MAGI3: variants seen among roughly 807,000 people sequenced by gnomAD.
The protein encoded by MAGI3 is membrane associated guanylate kinase, WW and PDZ domain containing 3, also known as membrane-associated guanylate kinase, WW and PDZ domain-containing protein 3.
In MAGI3, 43 loss-of-function variants were observed where a neutral mutation model predicts 121.8. That is an observed-to-expected ratio of 0.35 (90% CI 0.28 to 0.46). The LOEUF (loss-of-function observed/expected upper bound fraction) is 0.46, where lower values mean the gene tolerates loss of function less well. MAGI3 is among the 20% of genes least tolerant of loss of function. The pLI, the probability that MAGI3 is intolerant of heterozygous loss-of-function variation, is 1.00. For missense variants in MAGI3, 1,547 were observed against 1,797.3 expected (o/e 0.86, Z 2.52); for synonymous variants, 553 against 639.3 (o/e 0.86, Z 2.04).
chr1:113,427,875 CAA>C (rs916636073), intron 1 of MAGI3, among the ~76,000 whole-genome samples: 46 of 152,044 alleles, frequency 3.0e-4, no homozygotes, highest in African/African-American at 9.9e-4. Flanking sequence ...TAAAATGAAT[CAA>C]AATTGGCTCA....
chr1:113,584,676 C>G (rs567274022), intron 3 of MAGI3, among the ~76,000 whole-genome samples: 3 of 152,138 alleles, frequency 2.0e-5, no homozygotes, highest in African/African-American at 7.2e-5. Flanking sequence ...TAGTTTTATC[C>G]TCATTTACCC....
chr1:113,594,163 G>C (rs956551738), intron 5 of MAGI3, among the ~76,000 whole-genome samples: 11 of 152,226 alleles, frequency 7.2e-5, no homozygotes, highest in Non-Finnish European at 1.3e-4. Flanking sequence ...ATAATGCACA[G>C]TATGTGGCTA....
At chr1:113,413,409 G>T (rs973608463) in intron 1 of MAGI3, among the ~76,000 whole-genome samples, 2 of 152,108 alleles carry the variant, frequency 1.3e-5, no homozygotes, top group Non-Finnish European at 2.9e-5. Context: ...TTCCAATTCT[G>T]TGAAGAAAGT....
intron 12 of MAGI3, among the ~76,000 whole-genome samples, chr1:113,648,368 A>G (rs1652968597): frequency 6.6e-6 from 1 of 151,928 alleles, no homozygotes; most frequent in Non-Finnish European, 1.5e-5. Flanking sequence ...ATATTTTCCC[A>G]AAGGAAAAAT....
Position 113,513,124 on chromosome 1 carries a change from G to A in MAGI3, c.317-36391G>A, listed in dbSNP as rs906695808. Among the ~76,000 whole-genome samples, 195 of 152,092 alleles carry A rather than the reference G, an allele frequency of 1.3e-3. 1 individual carries two copies. The highest frequency in any genetic ancestry group is 4.2e-3 in the African/African-American group (176 of 41,494). On this transcript the variant is annotated intron_variant, in intron 1 of 20. Transcript: ENST00000307546. ...ACAAACCACTGCTCAATGAAATAAA[G>A]GAGGATACAAAGAAATGGAAGAACA...
intron 1 of MAGI3, among the ~76,000 whole-genome samples, chr1:113,521,886 A>G (rs1216670188): frequency 6.6e-6 from 1 of 151,342 alleles, no homozygotes; most frequent in Non-Finnish European, 1.5e-5. Context: ...GCTTTCTTTC[A>G]TTTCTCCTTT....
rs569343234 is a variant in MAGI3 at position 113,679,685 on chromosome 1, T to G, written c.3190-1513T>G. Among the ~76,000 whole-genome samples the G allele has an allele frequency of 3.3e-5, 5 of 152,112 alleles. No homozygotes were observed. In the South Asian group the frequency reaches 6.2e-4, roughly 19 times the overall value. On this transcript the variant is annotated intron_variant, in intron 19 of 20. Coordinates refer to ENST00000307546, the MANE Select transcript of MAGI3 (RefSeq NM_001142782.2). ...GTATATCTTATTCTGATCCCTAGTTTTATGTTTATTTTCCTGAAAAATGAT... is the reference window on the plus strand; with the variant it reads ...GTATATCTTATTCTGATCCCTAGTTGTATGTTTATTTTCCTGAAAAATGAT...
intron 1 of MAGI3, among the ~76,000 whole-genome samples, chr1:113,539,393 GAAA>G (rs530823031): frequency 1.8e-5 from 2 of 113,180 alleles, no homozygotes. Context: ...CTCCGTCTCA[GAAA>G]AAAAAAAAAA....
intron 12 of MAGI3, among the ~76,000 whole-genome samples, chr1:113,647,403 GAAGGAT>G (rs1652911970): frequency 6.6e-6 from 1 of 152,184 alleles, no homozygotes; most frequent in Non-Finnish European, 1.5e-5. Flanking sequence ...GCAGGAGTAT[GAAGGAT>G]GAATCAGAGG....
intron 2 of MAGI3, among the ~76,000 whole-genome samples, chr1:113,554,480 G>A (rs1448911208): frequency 6.6e-6 from 1 of 151,660 alleles, no homozygotes; most frequent in Non-Finnish European, 1.5e-5. Flanking sequence ...AGATGACAAT[G>A]GGGAGGGGAG....
intron 1 of MAGI3, among the ~76,000 whole-genome samples, chr1:113,471,672 A>G (rs984774263): frequency 2.6e-5 from 4 of 152,226 alleles, no homozygotes; most frequent in African/African-American, 9.6e-5. Context: ...TTTACTGAAT[A>G]TAATTGTATG....
chr1:113,630,025 C>G lies in MAGI3; in HGVS notation c.1360+7031C>G, dbSNP rs1651523490. 4.6e-5 allele frequency among the ~76,000 whole-genome samples: 7 copies of G among 152,192 alleles called. No homozygotes were observed. The South Asian group carries it at 1.2e-3, about 27-fold the overall frequency. ...GGCAAAGTGAGCTAGGTTCGTGTCC[C>G]TCTCTTCAGGATGGTGAGTTTCCCC... On this transcript the variant is annotated intron_variant, in intron 9 of 20. Coordinates refer to ENST00000307546, the MANE Select transcript of MAGI3 (RefSeq NM_001142782.2).
At chr1:113,552,231 T>G (rs1659816768) in intron 2 of MAGI3, among the ~76,000 whole-genome samples, 1 of 152,218 alleles carries the variant, frequency 6.6e-6, no homozygotes, top group Admixed American at 6.5e-5. Flanking sequence ...ATTGTAGTTG[T>G]CTAAAGCTTT....
At chr1:113,518,299 T>A (rs1250775546) in intron 1 of MAGI3, among the ~76,000 whole-genome samples, 1 of 152,128 alleles carries the variant, frequency 6.6e-6, no homozygotes. Flanking sequence ...TTGATATTTC[T>A]CTGAGTATGG....
At chr1:113,550,959 GAAA>G (rs757531195) in intron 2 of MAGI3, among the ~76,000 whole-genome samples, 1 of 82,808 alleles carries the variant, frequency 1.2e-5, no homozygotes, top group Non-Finnish European at 2.9e-5. Context: ...TCCCCAACAA[GAAA>G]AAAAAAAAAG....
intron 1 of MAGI3, among the ~76,000 whole-genome samples, chr1:113,454,915 G>A (rs1654671440): frequency 6.6e-6 from 1 of 152,140 alleles, no homozygotes; most frequent in South Asian, 2.1e-4. Flanking sequence ...TGAAAATATA[G>A]CCAGAAACAT....
At chr1:113,495,801 A>G (rs778797386) in intron 1 of MAGI3, among the ~76,000 whole-genome samples, 6 of 152,232 alleles carry the variant, frequency 3.9e-5, no homozygotes, top group Admixed American at 6.5e-5. Context: ...ATAAACAAAT[A>G]TTTATAGTAA....
Position 113,683,445 on chromosome 1 carries a change from C to T in MAGI3, c.3877C>T (p.Gln1293Ter), listed in dbSNP as rs746289199. ...RGRSASPKKQQKIEGSKAPSN... is the reference protein window; with the variant it reads ...RGRSASPKKQ Reference sequence around the variant, plus strand: ...TCGGTCGGCCAGCCCAAAAAAGCAGCAAAAAATTGAAGGAAGCAAAGCTCC... The same window carrying T: ...TCGGTCGGCCAGCCCAAAAAAGCAGTAAAAAATTGAAGGAAGCAAAGCTCC... Residue 1293 changes from glutamine to a stop codon, truncating the protein, a stop_gained, in exon 21 of 21, where the codon CAA becomes TAA. Transcript: ENST00000307546. LOFTEE classifies it low-confidence loss of function (END_TRUNC). 2 of 1,613,772 alleles carry T rather than the reference C, an allele frequency of 1.2e-6. No individual in the cohort carries two copies. Among genetic ancestry groups the T allele is most frequent in the South Asian group, 2.2e-5 (2 of 91,072 alleles).
intron 9 of MAGI3, 95 bp from the exon 10 acceptor site, chr1:113,641,816 T>C (rs1216017763): frequency 3.4e-5 from 41 of 1,204,372 alleles, no homozygotes; most frequent in Non-Finnish European, 4.3e-5. Flanking sequence ...AAAATTCAAA[T>C]TTAGTTGCTA....
Sources: gnomAD v4.1 joint callset for allele counts (sites outside exome capture counted in the v4.1 genomes callset) on GRCh38, gnomAD v4.1.1 for gene constraint, MANE v1.5 for transcripts, NCBI Gene and HGNC (gene_info 2026-07-23, HGNC 2026-07-21) for gene names.